PANK3: variants seen among roughly 807,000 people sequenced by gnomAD.
PANK3 encodes hPanK3.
A neutral mutation model predicts 39.4 loss-of-function variants in PANK3; 20 were observed. The observed-to-expected ratio is 0.51, with a 90% confidence interval of 0.36 to 0.74. The LOEUF (loss-of-function observed/expected upper bound fraction) is 0.74, where lower values mean the gene tolerates loss of function less well. PANK3 is among the 30% of genes least tolerant of loss of function. The pLI is 0.00. For synonymous variants in PANK3, 140 were observed against 157.3 expected, an observed-to-expected ratio of 0.89 and a Z score of 0.82; for missense variants, 265 against 437.0, an observed-to-expected ratio of 0.61 and a Z score of 3.51.
In PANK3 at chr5:168,563,954, C is replaced by G. The variant is rs1213242730; in HGVS notation, c.747G>C (p.Leu249=). The G allele has an allele frequency of 3.1e-6, 5 of 1,613,066 alleles. No homozygotes were observed. Among genetic ancestry groups the G allele is most frequent in the Middle Eastern group, 1.7e-4 (1 of 6,058 alleles). The change falls in exon 4 of 7, where the codon CTG becomes CTC. Residue 249 remains leucine, a synonymous_variant. Transcript: ENST00000239231. ...SKGDSTQADK[L]VRDIYGGDYE... ...AATCTCCTCCATAAATATCACGGAC[C>G]AGCTTGTCAGCTTGTGTGCTATCAC...
At chr5:168,568,192 T>A (rs1697920357) in intron 2 of PANK3, among the ~76,000 whole-genome samples, 1 of 152,198 alleles carries the variant, frequency 6.6e-6, no homozygotes, top group African/African-American at 2.4e-5. Flanking sequence ...GTAACAGATT[T>A]TCATTCAGGT....
intron 1 of PANK3, among the ~76,000 whole-genome samples, chr5:168,577,382 A>G (rs1047338636): frequency 1.3e-5 from 2 of 152,128 alleles, no homozygotes; most frequent in Non-Finnish European, 2.9e-5. Flanking sequence ...ACATACCACA[A>G]TGTTGTAATA....
rs117265473 is a variant in PANK3, at chr5:168,565,406, C to T, written c.635+607G>A. Among the ~76,000 whole-genome samples, 47 of 152,012 alleles carry T rather than the reference C, an allele frequency of 3.1e-4. 1 individual carries two copies. In the East Asian group the frequency reaches 8.5e-3, roughly 27 times the overall value. On this transcript the variant is annotated intron_variant, in intron 3 of 6. Coordinates refer to ENST00000239231, the MANE Select transcript of PANK3 (RefSeq NM_024594.4). ...CAAAAAGAAATCACATTAATTCATC[C>T]TATAAGAATAAATTACAATGTTCCC... is the stretch of plus-strand genomic sequence containing the variant.
chr5:168,566,493 C>A (rs1311540141), intron 2 of PANK3, among the ~76,000 whole-genome samples: 1 of 152,100 alleles, frequency 6.6e-6, no homozygotes, highest in Non-Finnish European at 1.5e-5. Flanking sequence ...GAAGGAAGGA[C>A]CAAACTGACA....
intron 5 of PANK3, among the ~76,000 whole-genome samples, chr5:168,559,740 T>C (rs1759413670): frequency 6.6e-6 from 1 of 152,086 alleles, no homozygotes; most frequent in African/African-American, 2.4e-5. Context: ...AAAATGCATT[T>C]AGTTGATAAG....
chr5:168,562,970 A>G (rs1759470251), intron 4 of PANK3, among the ~76,000 whole-genome samples: 1 of 152,142 alleles, frequency 6.6e-6, no homozygotes, highest in African/African-American at 2.4e-5. Context: ...AGCCATCTCA[A>G]ATCAGTGAAA....
At chr5:168,578,956 G>A (rs1303382411) in intron 1 of PANK3, among the ~76,000 whole-genome samples, 1 of 152,224 alleles carries the variant, frequency 6.6e-6, no homozygotes, top group Non-Finnish European at 1.5e-5. Flanking sequence ...GGGGAGCTGG[G>A]AGAGGAGACT....
intron 1 of PANK3, among the ~76,000 whole-genome samples, chr5:168,569,887 G>A (rs764658440): frequency 2.0e-5 from 3 of 151,770 alleles, no homozygotes; most frequent in South Asian, 2.1e-4. Flanking sequence ...TCCTGTCTCC[G>A]CAAAAAATTT....
rs1759305651 is a variant in PANK3, at chr5:168,553,626, C to G, written c.*3945G>C. 1 of 194,848 alleles carries G rather than the reference C, an allele frequency of 5.1e-6. No individual in the cohort carries two copies. The highest frequency in any genetic ancestry group is 1.1e-5 in the Non-Finnish European group (1 of 94,932). 12.1% of individuals were successfully genotyped at this position (194,848 alleles called of 1,614,324 possible). A position where few individuals can be genotyped will look rare whatever the true frequency, so the allele number is the denominator to read the frequency against. On this transcript the variant is annotated 3_prime_UTR_variant, in exon 7 of 7. Transcript: ENST00000239231. ...ATGACTGTCTCAGGAGCACTGATGA[C>G]TCCAATGTTGTAGCCAAACTGAAAA...
Position 168,568,582 on chromosome 5 carries a change from T to C in PANK3, c.381+64A>G, listed in dbSNP as rs562249889. On this transcript the variant is annotated intron_variant, in intron 2 of 6. Coordinates refer to ENST00000239231, the MANE Select transcript of PANK3 (RefSeq NM_024594.4). ...AGGGAGAATTAAGGAACATGCTAGA[T>C]GGAAACCTACTCTCATATTTAAAAA... 9 of 1,214,790 alleles carry C rather than the reference T, an allele frequency of 7.4e-6. No individual in the cohort carries two copies. The East Asian group carries it at 2.1e-4, about 28-fold the overall frequency. 75.3% of individuals were successfully genotyped at this position (1,214,790 alleles called of 1,614,324 possible).
intron 5 of PANK3, chr5:168,560,964 G>A (rs1242639044): frequency 5.9e-6 from 3 of 508,694 alleles, no homozygotes; most frequent in Admixed American, 2.0e-5. Context: ...TAAAGAAGCC[G>A]AGGGCAGTAA....
chr5:168,551,583 G>A lies in PANK3; in HGVS notation c.*5988C>T, dbSNP rs1440957804. 6.6e-6 allele frequency: 1 copy of A among 152,148 alleles called. No individual in the cohort carries two copies. Among genetic ancestry groups the A allele is most frequent in the African/African-American group, 2.4e-5 (1 of 41,436 alleles). 9.4% of individuals were successfully genotyped at this position (152,148 alleles called of 1,614,324 possible). The stretch of plus-strand genomic sequence containing the variant: ...AAGAACATATGGAAATTACTATCCA[G>A]TTAAGCTTTCCATCCAAGAAAACAA... On this transcript the variant is annotated 3_prime_UTR_variant, in exon 7 of 7. Transcript: ENST00000239231.
chr5:168,562,909 A>T (rs1042521188), intron 4 of PANK3, among the ~76,000 whole-genome samples: 14 of 152,190 alleles, frequency 9.2e-5, no homozygotes, highest in African/African-American at 3.4e-4. Context: ...TATAAAGCTG[A>T]AAGTATAATG....
intron 1 of PANK3, among the ~76,000 whole-genome samples, chr5:168,576,739 A>G (rs1295061686): frequency 6.6e-6 from 1 of 152,154 alleles, no homozygotes; most frequent in Non-Finnish European, 1.5e-5. Context: ...CAATGCACAT[A>G]AAGAAAATGC....
At position 168,565,885 on chromosome 5, in the gene PANK3, ATTT is replaced by A. The variant is rs57664567; in HGVS notation, c.635+125_635+127del. On this transcript the variant is annotated intron_variant, in intron 3 of 6. Coordinates refer to ENST00000239231, the MANE Select transcript of PANK3 (RefSeq NM_024594.4). ...AAAAAAAAAATATATATATATATATATTTTTTTTTTTTGCTGTTGTGCAAATAC... is the reference window on the plus strand; with the variant it reads ...AAAAAAAAAATATATATATATATATATTTTTTTTTGCTGTTGTGCAAATAC... The A allele has an allele frequency of 1.7e-4, 34 of 194,722 alleles. 3 individuals are homozygous for A. Among genetic ancestry groups the A allele is most frequent in the East Asian group, 5.8e-4 (4 of 6,904 alleles). 12.1% of individuals were successfully genotyped at this position (194,722 alleles called of 1,614,324 possible). A position where few individuals can be genotyped will look rare whatever the true frequency, so the allele number is the denominator to read the frequency against.
chr5:168,575,049 A>G (rs993823651), intron 1 of PANK3, among the ~76,000 whole-genome samples: 3 of 152,182 alleles, frequency 2.0e-5, no homozygotes, highest in African/African-American at 7.2e-5. Flanking sequence ...GTGAAAAAAA[A>G]GAACCAAAAT....
chr5:168,575,409 G>T (rs1405489157), intron 1 of PANK3, among the ~76,000 whole-genome samples: 5 of 152,102 alleles, frequency 3.3e-5, no homozygotes, highest in African/African-American at 9.7e-5. Flanking sequence ...TTCTAACAAG[G>T]TGTGATAAAC....
intron 6 of PANK3, among the ~76,000 whole-genome samples, chr5:168,558,536 C>G (rs1021818406): frequency 6.6e-6 from 1 of 152,196 alleles, no homozygotes; most frequent in African/African-American, 2.4e-5. Flanking sequence ...AGCCATTTGA[C>G]TTTGATCACA....
rs1005989229 is a variant in PANK3, at chr5:168,563,894, T to C, written c.807A>G (p.Ala269=). 3 of 1,602,152 alleles carry C rather than the reference T, an allele frequency of 1.9e-6. No individual in the cohort carries two copies. The highest frequency in any genetic ancestry group is 2.6e-6 in the Non-Finnish European group (3 of 1,175,420). ...AACACAAATGTTAAACTTACCTAGA[T>C]GCTACAGCCCAACCTGGCAAACCAA... ...ERFGLPGWAV[A]SSFGNMIYKE... Residue 269 remains alanine, a synonymous_variant, in exon 4 of 7, where the codon GCA becomes GCG. Coordinates refer to ENST00000239231, the MANE Select transcript of PANK3 (RefSeq NM_024594.4).
Sources: gnomAD v4.1 joint callset for allele counts (sites outside exome capture counted in the v4.1 genomes callset) on GRCh38, gnomAD v4.1.1 for gene constraint, MANE v1.5 for transcripts, NCBI Gene and HGNC (gene_info 2026-07-23, HGNC 2026-07-21) for gene names.